Variants in DOCK4 observed in about 807,000 individuals in gnomAD.
DOCK4 encodes dedicator of cytokinesis protein 4.
A neutral mutation model predicts 268.1 loss-of-function variants in DOCK4; 97 were observed. The observed-to-expected ratio is 0.36, with a 90% CI of 0.31 to 0.43. The LOEUF (loss-of-function observed/expected upper bound fraction) is 0.43. Ranked by LOEUF, DOCK4 falls within the 20% of genes least tolerant of loss-of-function variation. The probability of loss-of-function intolerance (pLI) is 1.00; values close to 1 mark genes in which losing one functional copy is unlikely to be tolerated. For missense variants in DOCK4, 2,145 were observed against 2,455.7 expected, an observed-to-expected ratio of 0.87 and a Z score of 2.67; for synonymous variants, 954 against 887.2, an observed-to-expected ratio of 1.08 and a Z score of -1.34.
intron 27 of DOCK4, chr7:111,819,372 T>C (rs1446001954): frequency 6.6e-6 from 1 of 152,198 alleles, no homozygotes; most frequent in African/African-American, 2.4e-5. Context: ...GTTCCTTCTT[T>C]CTTAGATTGA....
At chr7:111,774,490 T>G (rs1427704532) in intron 36 of DOCK4, among the ~76,000 whole-genome samples, 1 of 150,862 alleles carries the variant, frequency 6.6e-6, no homozygotes, top group Non-Finnish European at 1.5e-5. Context: ...AACAAAAAAA[T>G]CTGGAAAAAA....
At chr7:112,183,317 A>T (rs1819217267) in intron 1 of DOCK4, among the ~76,000 whole-genome samples, 1 of 152,220 alleles carries the variant, frequency 6.6e-6, no homozygotes, top group Non-Finnish European at 1.5e-5. Flanking sequence ...TACTATCAAC[A>T]AAAGGCATTA....
rs369483742 is a variant in DOCK4, at chr7:111,917,435, C to T, written c.1067-1531G>A. 5.9e-5 allele frequency among the ~76,000 whole-genome samples: 9 copies of T among 151,632 alleles called. No homozygotes were observed. The South Asian group carries it at 6.3e-4, about 11-fold the overall frequency. ...TCAATTTAAAGATGAATTTGCTGGC[C>T]GGGTGCGGTGGCTCACACTTGTAAT... On this transcript the variant is annotated intron_variant, in intron 12 of 52. Coordinates refer to ENST00000428084, the MANE Select transcript of DOCK4 (RefSeq NM_001363540.2).
chr7:111,775,132 A>T (rs1665558373), intron 36 of DOCK4, among the ~76,000 whole-genome samples: 1 of 152,226 alleles, frequency 6.6e-6, no homozygotes, highest in Admixed American at 6.5e-5. Context: ...TTCATGAATG[A>T]TTATTTGAGG....
chr7:112,121,429 C>T (rs1812717606), intron 1 of DOCK4, among the ~76,000 whole-genome samples: 1 of 152,214 alleles, frequency 6.6e-6, no homozygotes, highest in Non-Finnish European at 1.5e-5. Flanking sequence ...ATCAACAAAA[C>T]GTTTAACATA....
chr7:111,740,020 G>C, intron 47 of DOCK4: 1 of 337,862 alleles, frequency 3.0e-6, no homozygotes, highest in Non-Finnish European at 6.0e-6. Flanking sequence ...CATTTTTCTT[G>C]TATAAAAAAA....
chr7:111,732,187 G>A, intron 52 of DOCK4, 39 bp downstream of exon 52: 1 of 1,603,208 alleles, frequency 6.2e-7, no homozygotes, highest in East Asian at 2.2e-5. Context: ...AAAGAAAACT[G>A]GGCCAGTCTC....
chr7:111,768,981 G>A (rs1797943987), intron 37 of DOCK4, among the ~76,000 whole-genome samples: 1 of 152,124 alleles, frequency 6.6e-6, no homozygotes, highest in Admixed American at 6.6e-5. Flanking sequence ...AATGGCATTA[G>A]TGCCCTTATA....
intron 14 of DOCK4, among the ~76,000 whole-genome samples, chr7:111,900,911 CTG>C (rs1791087859): frequency 6.6e-6 from 1 of 152,190 alleles, no homozygotes; most frequent in Non-Finnish European, 1.5e-5. Flanking sequence ...AAATGGGCAA[CTG>C]TATGTCTCTA....
intron 6 of DOCK4, among the ~76,000 whole-genome samples, chr7:111,986,388 C>T (rs934532434): frequency 3.3e-5 from 5 of 152,212 alleles, no homozygotes; most frequent in African/African-American, 1.2e-4. Flanking sequence ...CTTCTGTTAG[C>T]TTCCTGGCGT....
At chr7:112,084,798 C>T (rs1004554986) in intron 1 of DOCK4, among the ~76,000 whole-genome samples, 4 of 152,058 alleles carry the variant, frequency 2.6e-5, no homozygotes, top group Non-Finnish European at 5.9e-5. Context: ...CATTGTTATG[C>T]TACCATTACA....
chr7:111,787,262 G>C (rs1473041272), intron 32 of DOCK4, among the ~76,000 whole-genome samples: 1 of 151,994 alleles, frequency 6.6e-6, no homozygotes, highest in Admixed American at 6.6e-5. Flanking sequence ...TCTCATTTTG[G>C]TTCTTTGTTC....
intron 1 of DOCK4, among the ~76,000 whole-genome samples, chr7:112,140,117 T>G (rs754095157): frequency 2.0e-5 from 3 of 152,018 alleles, no homozygotes; most frequent in Admixed American, 6.6e-5. Context: ...GGCTTTTCCC[T>G]CCCAAAAGTT....
chr7:111,959,954 G>A (rs182604945), intron 8 of DOCK4, among the ~76,000 whole-genome samples: 47 of 152,200 alleles, frequency 3.1e-4, no homozygotes, highest in African/African-American at 1.0e-3. Context: ...CCATTGGTGC[G>A]GCCATCACTG....
At position 111,808,810 on chromosome 7, in the gene DOCK4, T is replaced by C; in HGVS notation, c.3166+11A>G. On this transcript the variant is annotated intron_variant, in intron 30 of 52. Transcript: ENST00000428084. ...TGTATAGTAGATGTGGCTTCTCTTT[T>C]CCTCACTTACCTAGGTTTTGCCACA... is the stretch of plus-strand genomic sequence containing the variant. The C allele has an allele frequency of 1.9e-6, 3 of 1,610,668 alleles. No individual in the cohort carries two copies. The East Asian group carries it at 6.7e-5, about 36-fold the overall frequency.
In DOCK4 at chr7:112,018,169, A is replaced by C. The variant is rs868839095; in HGVS notation, c.38-14038T>G. Among the ~76,000 whole-genome samples, 12 of 138,916 alleles carry C rather than the reference A, an allele frequency of 8.6e-5. 2 individuals are homozygous for C. The highest frequency in any genetic ancestry group is 1.4e-4 in the Admixed American group (2 of 13,984). The allele number at this position is 138,916 out of a possible 152,430, so 91.1% of individuals were successfully genotyped here. ...AAAAAAAAAAAAAAAAAAAAAAAAA[A>C]AAAAAAAAAAACACAGGCAACCAGT... On this transcript the variant is annotated intron_variant, in intron 1 of 52. Transcript: ENST00000428084.
intron 1 of DOCK4, among the ~76,000 whole-genome samples, chr7:112,021,579 C>T (rs1177681118): frequency 6.6e-6 from 1 of 152,196 alleles, no homozygotes; most frequent in African/African-American, 2.4e-5. Context: ...TGAATCTGGC[C>T]ACCAGCCGAA....
chr7:111,846,320 C>A (rs1364256530), intron 24 of DOCK4, among the ~76,000 whole-genome samples: 1 of 152,220 alleles, frequency 6.6e-6, no homozygotes, highest in Non-Finnish European at 1.5e-5. Flanking sequence ...AGAAGTGGAA[C>A]AGGATATTCT....
At chr7:112,034,925 A>G (rs1234918434) in intron 1 of DOCK4, among the ~76,000 whole-genome samples, 1 of 152,168 alleles carries the variant, frequency 6.6e-6, no homozygotes, top group Non-Finnish European at 1.5e-5. Flanking sequence ...ACAAACAAAA[A>G]AAACAACTTA....
Sources: allele counts gnomAD v4.1 joint callset (sites outside exome capture counted in the v4.1 genomes callset), GRCh38; gene constraint gnomAD v4.1.1; transcripts MANE v1.5; gene names NCBI Gene and HGNC (gene_info 2026-07-23, HGNC 2026-07-21).